Variants in SEMA3E observed in about 807,000 individuals in gnomAD.
The protein encoded by SEMA3E is semaphorin-3E.
SEMA3E carries 49 observed loss-of-function variants against 93.6 expected under a neutral mutation model. The observed-to-expected ratio is 0.52, with a 90% CI of 0.42 to 0.66. SEMA3E has a LOEUF of 0.66. Ranked by LOEUF, SEMA3E falls within the 30% of genes least tolerant of loss-of-function variation. The pLI is 0.00. For synonymous variants in SEMA3E, 363 were observed against 330.7 expected (o/e 1.10, Z -1.06); for missense variants, 906 against 964.8 (o/e 0.94, Z 0.81).
intron 16 of SEMA3E, among the ~76,000 whole-genome samples, chr7:83,368,550 G>A (rs571581717): frequency 5.8e-4 from 88 of 152,078 alleles, no homozygotes; most frequent in Non-Finnish European, 1.0e-3. Flanking sequence ...CTTTCACTTT[G>A]TCGTCTTACA....
intron 2 of SEMA3E, among the ~76,000 whole-genome samples, chr7:83,483,439 T>C (rs1267546780): frequency 6.6e-6 from 1 of 152,198 alleles, no homozygotes; most frequent in Non-Finnish European, 1.5e-5. Context: ...AATAGCTGTA[T>C]TAAAAATATT....
intron 1 of SEMA3E, among the ~76,000 whole-genome samples, chr7:83,570,553 A>AAAAAAAAAAAAAC (rs1562837074): frequency 1.0e-4 from 6 of 58,958 alleles, no homozygotes; most frequent in African/African-American, 5.7e-4. Context: ...ACTCCGTCTC[A>AAAAAAAAAAAAAC]AAAAAAAAAA....
At chr7:83,485,405 G>T (rs1790231311) in intron 2 of SEMA3E, among the ~76,000 whole-genome samples, 1 of 152,074 alleles carries the variant, frequency 6.6e-6, no homozygotes, top group African/African-American at 2.4e-5. Context: ...TTAGGAACTT[G>T]CCCAATATTA....
chr7:83,640,910 C>T (rs1043358468), intron 1 of SEMA3E, among the ~76,000 whole-genome samples: 20 of 149,588 alleles, frequency 1.3e-4, no homozygotes, highest in Admixed American at 1.3e-3. Context: ...AAGGATAACA[C>T]AAGACAGATA....
rs375498040 is a variant in SEMA3E, at chr7:83,642,504, T to A, written c.115+5924A>T. ...TGTGGTATGGACATGTCCTGTTCAT[T>A]CCTAGTCCAGAATATCCAGACTATA... On this transcript the variant is annotated intron_variant, in intron 1 of 16. Transcript: ENST00000643230. Among the ~76,000 whole-genome samples the A allele has an allele frequency of 2.2e-4, 33 of 152,268 alleles. No individual in the cohort carries two copies. In the East Asian group the frequency reaches 4.6e-3, roughly 21 times the overall value.
At chr7:83,538,102 C>T (rs570078707) in intron 1 of SEMA3E, among the ~76,000 whole-genome samples, 16 of 152,136 alleles carry the variant, frequency 1.1e-4, no homozygotes, top group South Asian at 2.1e-4. Context: ...TCCATTCATC[C>T]GCTGATGGAT....
rs1794680483 is a variant in SEMA3E at position 83,367,098 on chromosome 7, T to A, written c.*488A>T. 5.7e-6 allele frequency: 1 copy of A among 175,648 alleles called. No individual in the cohort carries two copies. Among genetic ancestry groups the A allele is most frequent in the African/African-American group, 2.4e-5 (1 of 41,544 alleles). 10.9% of individuals were successfully genotyped at this position (175,648 alleles called of 1,614,324 possible). A position where few individuals can be genotyped will look rare whatever the true frequency, so the allele number is the denominator to read the frequency against. On this transcript the variant is annotated 3_prime_UTR_variant, in exon 17 of 17. Coordinates refer to ENST00000643230, the MANE Select transcript of SEMA3E (RefSeq NM_012431.3). Reference sequence around the variant, plus strand: ...TTAACACTCATGGCTTAAACAACACTAATAAAATAATCCTTAAAGAGTACA... The same window carrying A: ...TTAACACTCATGGCTTAAACAACACAAATAAAATAATCCTTAAAGAGTACA...
At chr7:83,449,814 T>C (rs1473654363) in intron 4 of SEMA3E, among the ~76,000 whole-genome samples, 3 of 152,324 alleles carry the variant, frequency 2.0e-5, no homozygotes, top group South Asian at 4.1e-4. Flanking sequence ...TTTTGGACCT[T>C]GTTTTAAATT....
chr7:83,617,973 A>T (rs536446722), intron 1 of SEMA3E, among the ~76,000 whole-genome samples: 4 of 152,198 alleles, frequency 2.6e-5, no homozygotes, highest in African/African-American at 9.6e-5. Flanking sequence ...AGAAAAGAAC[A>T]CTATAGTCCA....
At chr7:83,478,232 C>G (rs566842259) in intron 2 of SEMA3E, among the ~76,000 whole-genome samples, 1 of 151,976 alleles carries the variant, frequency 6.6e-6, no homozygotes, top group Non-Finnish European at 1.5e-5. Flanking sequence ...CCAATTTTAG[C>G]TTTAAATTAT....
intron 4 of SEMA3E, among the ~76,000 whole-genome samples, chr7:83,433,582 AC>A (rs540704580): frequency 1.8e-3 from 270 of 152,264 alleles, no homozygotes; most frequent in Non-Finnish European, 2.8e-3. Context: ...CTGAACACTC[AC>A]AAAAATATCT....
In SEMA3E at chr7:83,612,029, C is replaced by T. The variant is rs56040893; in HGVS notation, c.115+36399G>A. ...CACAGAAGGTATTCTAATGTCAATG[C>T]CTTTGCACCAGTCAGTCTCTCTGTC... is the stretch of plus-strand genomic sequence containing the variant. On this transcript the variant is annotated intron_variant, in intron 1 of 16. Transcript: ENST00000643230. Among the ~76,000 whole-genome samples, 248 of 152,238 alleles carry T rather than the reference C, an allele frequency of 1.6e-3. 1 individual carries two copies. Among genetic ancestry groups the T allele is most frequent in the African/African-American group, 5.5e-3 (227 of 41,558 alleles).
Position 83,474,795 on chromosome 7 carries a change from G to A in SEMA3E, c.277-5493C>T, listed in dbSNP as rs181325212. 2.7e-3 allele frequency among the ~76,000 whole-genome samples: 416 copies of A among 152,216 alleles called. 3 individuals are homozygous for A. The highest frequency in any genetic ancestry group is 9.3e-3 in the African/African-American group (386 of 41,532). ...AGAAGTGAAGCTGCAGAGTTTATAA[G>A]CTTTACCTGATCTATTATTTTGGAA... is the stretch of plus-strand genomic sequence containing the variant. On this transcript the variant is annotated intron_variant, in intron 2 of 16. Coordinates refer to ENST00000643230, the MANE Select transcript of SEMA3E (RefSeq NM_012431.3).
At chr7:83,412,860 G>A (rs149783975) in intron 5 of SEMA3E, among the ~76,000 whole-genome samples, 12 of 151,590 alleles carry the variant, frequency 7.9e-5, no homozygotes, top group African/African-American at 2.7e-4. Flanking sequence ...GGGAATTTAC[G>A]TGGATAACAA....
At chr7:83,468,491 T>C (rs187453676) in intron 3 of SEMA3E, among the ~76,000 whole-genome samples, 1 of 152,210 alleles carries the variant, frequency 6.6e-6, no homozygotes, top group Admixed American at 6.5e-5. Context: ...ACTCCTTGGC[T>C]GTGACCCAGC....
intron 1 of SEMA3E, among the ~76,000 whole-genome samples, chr7:83,601,454 C>T (rs1792996120): frequency 1.3e-5 from 2 of 151,248 alleles, no homozygotes; most frequent in Non-Finnish European, 2.9e-5. Flanking sequence ...ATCATTCTTA[C>T]ACTGGAGAAT....
chr7:83,639,068 G>A lies in SEMA3E; in HGVS notation c.115+9360C>T, dbSNP rs1290976976. On this transcript the variant is annotated intron_variant, in intron 1 of 16. Coordinates refer to ENST00000643230, the MANE Select transcript of SEMA3E (RefSeq NM_012431.3). ...GGAGGTTGCAGTGAGCCGAGATCCCGCCACTGCACTCCAGCCTGGGCGACA... is the reference window on the plus strand; with the variant it reads ...GGAGGTTGCAGTGAGCCGAGATCCCACCACTGCACTCCAGCCTGGGCGACA... Among the ~76,000 whole-genome samples, 5 of 120,952 alleles carry A rather than the reference G, an allele frequency of 4.1e-5. No individual in the cohort carries two copies. The East Asian group carries it at 1.3e-3, about 32-fold the overall frequency. The allele number at this position is 120,952 out of a possible 152,430, so 79.3% of individuals were successfully genotyped here.
chr7:83,605,727 T>G, intron 1 of SEMA3E, among the ~76,000 whole-genome samples: 1 of 152,260 alleles, frequency 6.6e-6, no homozygotes, highest in East Asian at 1.9e-4. Flanking sequence ...CCACTGTGCC[T>G]GGCCATAAAT....
At chr7:83,534,544 A>G (rs1203965549) in intron 1 of SEMA3E, among the ~76,000 whole-genome samples, 1 of 152,214 alleles carries the variant, frequency 6.6e-6, no homozygotes, top group Non-Finnish European at 1.5e-5. Flanking sequence ...GCTGGTCTAT[A>G]AAATTGATTT....
Sources: allele counts gnomAD v4.1 joint callset (sites outside exome capture counted in the v4.1 genomes callset), GRCh38; gene constraint gnomAD v4.1.1; transcripts MANE v1.5; gene names NCBI Gene and HGNC (gene_info 2026-07-23, HGNC 2026-07-21).